Variants in DNM3 observed in about 807,000 individuals in gnomAD.
The protein encoded by DNM3 is dynamin-3.
A neutral mutation model predicts 101.6 loss-of-function variants in DNM3; 47 were observed. That is an observed-to-expected ratio of 0.46 (90% confidence interval 0.37 to 0.59). DNM3 has a LOEUF of 0.59. Among genes scored for constraint, DNM3 ranks in the 20% least tolerant of loss-of-function variants. The pLI is 0.00. For synonymous variants in DNM3, 385 were observed against 387.9 expected (o/e 0.99, Z 0.09); for missense variants, 849 against 1,085.7 (o/e 0.78, Z 3.06).
chr1:172,312,594 T>A (rs1246551302), intron 16 of DNM3, among the ~76,000 whole-genome samples: 1 of 152,226 alleles, frequency 6.6e-6, no homozygotes, highest in Non-Finnish European at 1.5e-5. Context: ...CTCCCCTGTT[T>A]CTTTTGTCTC....
chr1:171,867,041 T>G (rs2034821220), intron 1 of DNM3, among the ~76,000 whole-genome samples: 1 of 152,236 alleles, frequency 6.6e-6, no homozygotes, highest in Admixed American at 6.5e-5. Flanking sequence ...TTTTTAAACT[T>G]TTAAGTGACG....
rs970970365 is a variant in DNM3 at position 171,841,557 on chromosome 1, A to T, written c.-100A>T. The T allele has an allele frequency of 1.3e-5, 19 of 1,459,572 alleles. No homozygotes were observed. The highest frequency in any genetic ancestry group is 1.6e-5 in the Non-Finnish European group (18 of 1,102,144). The allele number at this position is 1,459,572 out of a possible 1,614,324, so 90.4% of individuals were successfully genotyped here. ...GTCTGCGCCAGGACCTGGCTGGCTG[A>T]GCCCGGCGCAGCAGCAGCAGCCAGG... On this transcript the variant is annotated 5_prime_UTR_variant, in exon 1 of 21. Coordinates refer to ENST00000627582, the MANE Select transcript of DNM3 (RefSeq NM_015569.5).
chr1:171,987,020 T>C (rs1311833425), intron 2 of DNM3, among the ~76,000 whole-genome samples: 1 of 152,154 alleles, frequency 6.6e-6, no homozygotes, highest in Non-Finnish European at 1.5e-5. Flanking sequence ...TATTTTAGTG[T>C]TTTTCCCTCT....
At chr1:172,015,082 G>A (rs1392427260) in intron 4 of DNM3, among the ~76,000 whole-genome samples, 1 of 152,170 alleles carries the variant, frequency 6.6e-6, no homozygotes, top group Admixed American at 6.5e-5. Context: ...AGGATCTGTT[G>A]ACTGTATTTA....
intron 14 of DNM3, among the ~76,000 whole-genome samples, chr1:172,243,061 G>A (rs571798789): frequency 3.9e-5 from 6 of 152,110 alleles, no homozygotes; most frequent in African/African-American, 1.4e-4. Flanking sequence ...TAGTAGGTTT[G>A]GGAGAAGGAG....
At chr1:172,283,999 A>C (rs893690615) in intron 15 of DNM3, among the ~76,000 whole-genome samples, 16 of 152,112 alleles carry the variant, frequency 1.1e-4, no homozygotes, top group African/African-American at 3.9e-4. Context: ...GTGTTGCTAC[A>C]ATTTTCTCTT....
chr1:172,068,997 C>G, intron 11 of DNM3, 92 bp downstream of exon 11: 1 of 1,070,522 alleles, frequency 9.3e-7, no homozygotes, highest in Non-Finnish European at 1.4e-6. Flanking sequence ...GTCAGCCTGT[C>G]GCTTAAAGGA....
chr1:172,032,440 A>C lies in DNM3; in HGVS notation c.628A>C (p.Met210Leu). The change falls in exon 5 of 21, where the codon ATG (methionine) becomes CTG (leucine). Residue 210 changes from methionine to leucine, a missense_variant. Met to Leu is a conservative substitution (Grantham distance 15). This residue lies in a region of DNM3 where 388 missense variants were observed against 483.0 expected (regional missense o/e 0.80). Coordinates refer to ENST00000627582, the MANE Select transcript of DNM3 (RefSeq NM_015569.5). Reference sequence around the variant, plus strand: ...TGGAGTTATCACCAAACTGGACCTTATGGATGAAGGAACGGATGCCAGGGA... The same window carrying C: ...TGGAGTTATCACCAAACTGGACCTTCTGGATGAAGGAACGGATGCCAGGGA... The part of the protein sequence containing the change: ...TIGVITKLDL[M>L]DEGTDARDVL... 1 of 1,593,534 alleles carries C rather than the reference A, an allele frequency of 6.3e-7. No homozygotes were observed.
intron 14 of DNM3, among the ~76,000 whole-genome samples, chr1:172,221,999 G>T (rs1226031859): frequency 6.6e-6 from 1 of 152,080 alleles, no homozygotes; most frequent in Non-Finnish European, 1.5e-5. Context: ...AGTAGCTGAG[G>T]AATTCTAGAC....
At chr1:172,162,254 G>A (rs2058572012) in intron 14 of DNM3, among the ~76,000 whole-genome samples, 1 of 151,882 alleles carries the variant, frequency 6.6e-6, no homozygotes, top group African/African-American at 2.4e-5. Flanking sequence ...TTTAAACTTA[G>A]TATAATATAT....
chr1:172,380,518 A>G (rs2068838027), intron 18 of DNM3, among the ~76,000 whole-genome samples: 1 of 152,064 alleles, frequency 6.6e-6, no homozygotes, highest in South Asian at 2.1e-4. Flanking sequence ...GCAACAGGTA[A>G]GCAATAAATT....
At chr1:172,292,096 G>A (rs1422959437) in intron 15 of DNM3, among the ~76,000 whole-genome samples, 1 of 152,084 alleles carries the variant, frequency 6.6e-6, no homozygotes, top group Non-Finnish European at 1.5e-5. Flanking sequence ...GGACCTAAAG[G>A]CAGTGGAAAT....
intron 13 of DNM3, chr1:172,093,765 A>C (rs960448388): frequency 1.9e-6 from 3 of 1,585,180 alleles, no homozygotes; most frequent in Non-Finnish European, 2.6e-6. Flanking sequence ...TTGCTTTTTC[A>C]TTTAGCTTCC....
At position 171,852,595 on chromosome 1, in the gene DNM3, T is replaced by C. The variant is rs138507547; in HGVS notation, c.161+10778T>C. Among the ~76,000 whole-genome samples, 424 of 152,354 alleles carry C rather than the reference T, an allele frequency of 2.8e-3. 4 individuals carry two copies. Among genetic ancestry groups the C allele is most frequent in the Admixed American group, 0.015 (237 of 15,304 alleles). On this transcript the variant is annotated intron_variant, in intron 1 of 20. Coordinates refer to ENST00000627582, the MANE Select transcript of DNM3 (RefSeq NM_015569.5). ...CAGAGAATAGTTGGTGAGTTCATGA[T>C]ACTGTCTCTAAATATTTGAGGAGCT...
rs571312114 is a variant in DNM3, at chr1:172,227,030, C to T, written c.1660-26543C>T. Among the ~76,000 whole-genome samples, 53 of 151,562 alleles carry T rather than the reference C, an allele frequency of 3.5e-4. 1 individual carries two copies. Among genetic ancestry groups the T allele is most frequent in the African/African-American group, 1.1e-3 (45 of 41,312 alleles). On this transcript the variant is annotated intron_variant, in intron 14 of 20. Transcript: ENST00000627582. ...CCATGTAGTATACACTGTACCAGTA[C>T]GTAGTTTTTCATTCCTCACTCCCCT...
chr1:172,338,194 C>T (rs1425985572), intron 17 of DNM3, among the ~76,000 whole-genome samples: 2 of 152,058 alleles, frequency 1.3e-5, no homozygotes, highest in Non-Finnish European at 2.9e-5. Context: ...GGATTACAGG[C>T]GTGAGCCACT....
chr1:171,906,253 G>A (rs1555384), intron 1 of DNM3, among the ~76,000 whole-genome samples: 29,372 of 150,662 alleles, frequency 0.19, 3,365 homozygotes, highest in East Asian at 0.48. Context: ...TCAGCCTCCC[G>A]TATAGTTGGG....
intron 13 of DNM3, among the ~76,000 whole-genome samples, chr1:172,101,935 C>T (rs765234303): frequency 1.3e-5 from 2 of 151,862 alleles, no homozygotes; most frequent in Non-Finnish European, 2.9e-5. Context: ...ATCGGCTCAC[C>T]GCAATCTCTG....
intron 9 of DNM3, among the ~76,000 whole-genome samples, chr1:172,048,105 A>G (rs1368946563): frequency 6.6e-6 from 1 of 152,152 alleles, no homozygotes; most frequent in Non-Finnish European, 1.5e-5. Context: ...TTTGGTTATC[A>G]TTTGTTATTT....
Sources: allele counts gnomAD v4.1 joint callset (sites outside exome capture counted in the v4.1 genomes callset), GRCh38; gene constraint gnomAD v4.1.1; regional missense constraint gnomAD v4.1.1; transcripts MANE v1.5; gene names NCBI Gene and HGNC (gene_info 2026-07-23, HGNC 2026-07-21).